TRIM33: variants seen among roughly 807,000 people sequenced by gnomAD.
The protein encoded by TRIM33 is E3 ubiquitin-protein ligase TRIM33.
In TRIM33, 20 loss-of-function variants were observed where a neutral mutation model predicts 125.4. That is an observed-to-expected ratio of 0.16 (90% CI 0.11 to 0.23). TRIM33 has a LOEUF of 0.23. Ranked by LOEUF, TRIM33 falls within the 10% of genes least tolerant of loss-of-function variation. The probability of loss-of-function intolerance (pLI) is 1.00; values close to 1 mark genes in which losing one functional copy is unlikely to be tolerated. For missense variants in TRIM33, 920 were observed against 1,411.4 expected (o/e 0.65, Z 5.58); for synonymous variants, 564 against 513.9 (o/e 1.10, Z -1.32).
intron 4 of TRIM33, among the ~76,000 whole-genome samples, chr1:114,435,786 G>T (rs994641611): frequency 6.7e-6 from 1 of 149,874 alleles, no homozygotes; most frequent in African/African-American, 2.5e-5. Flanking sequence ...GAATGCACTG[G>T]AACCATCACG....
At chr1:114,419,339 A>C (rs866362474) in intron 11 of TRIM33, among the ~76,000 whole-genome samples, 17 of 152,270 alleles carry the variant, frequency 1.1e-4, no homozygotes, top group Middle Eastern at 3.4e-3. Context: ...TCGCGTCATT[A>C]AACTCTTTAC....
At chr1:114,423,468 C>T (rs780569936) in intron 10 of TRIM33, among the ~76,000 whole-genome samples, 1 of 151,842 alleles carries the variant, frequency 6.6e-6, no homozygotes, top group South Asian at 2.1e-4. Flanking sequence ...TTACAATATG[C>T]TATAAAGTAC....
Position 114,424,752 on chromosome 1 carries a change from G to A in TRIM33, c.1699C>T (p.Pro567Ser). 6.7e-7 allele frequency: 1 copy of A among 1,495,636 alleles called. No homozygotes were observed. The highest frequency in any genetic ancestry group is 8.9e-7 in the Non-Finnish European group (1 of 1,119,588). 92.6% of individuals were successfully genotyped at this position (1,495,636 alleles called of 1,614,324 possible). A position where few individuals can be genotyped will look rare whatever the true frequency, so the allele number is the denominator to read the frequency against. Residue 567 changes from proline to serine, a missense_variant, in exon 10 of 20, where the codon CCT becomes TCT. Pro to Ser is a moderately conservative substitution (Grantham distance 74, BLOSUM62 -1). Around this residue, in one of 8 missense-constraint regions of TRIM33, gnomAD observed 407 missense variants for 589.7 expected, o/e 0.69. Coordinates refer to ENST00000358465, the MANE Select transcript of TRIM33 (RefSeq NM_015906.4). ...AAPQMLQQQPPRLISVQTMQR... is the reference protein window; with the variant it reads ...AAPQMLQQQPSRLISVQTMQR... ...ATTGTTTGCACACTGATCAATCGAG[G>A]AGGCTACAAAAAGTAGAAATTGCAA...
At chr1:114,435,088 C>CT (rs532571658) in intron 4 of TRIM33, among the ~76,000 whole-genome samples, 1 of 152,136 alleles carries the variant, frequency 6.6e-6, no homozygotes, top group African/African-American at 2.4e-5. Context: ...ATTTAATTCT[C>CT]TAAGTAATGG....
At chr1:114,485,921 A>G (rs2101509992) in intron 1 of TRIM33, among the ~76,000 whole-genome samples, 1 of 152,360 alleles carries the variant, frequency 6.6e-6, no homozygotes. Flanking sequence ...AGATGATCAG[A>G]TATCACATAT....
rs889815009 is a variant in TRIM33 at position 114,504,838 on chromosome 1, A to T, written c.526+5713T>A. Among the ~76,000 whole-genome samples, 3 of 152,240 alleles carry T rather than the reference A, an allele frequency of 2.0e-5. No homozygotes were observed. The East Asian group carries it at 5.8e-4, about 29-fold the overall frequency. ...AGGTAACTAGAAGATTTGGAACTCAAATGATTTATCATGCATGCTGTACAT... is the reference window on the plus strand; with the variant it reads ...AGGTAACTAGAAGATTTGGAACTCATATGATTTATCATGCATGCTGTACAT... On this transcript the variant is annotated intron_variant, in intron 1 of 19. Transcript: ENST00000358465.
Position 114,462,445 on chromosome 1 carries a change from C to A in TRIM33, c.923+659G>T, listed in dbSNP as rs540380338. ...GCCATAAAAACTGTTGTTTGAAAAACACTTTGGAAAATTCTGGACTATGGG... is the reference window on the plus strand; with the variant it reads ...GCCATAAAAACTGTTGTTTGAAAAAAACTTTGGAAAATTCTGGACTATGGG... On this transcript the variant is annotated intron_variant, in intron 4 of 19. Transcript: ENST00000358465. 1.4e-4 allele frequency among the ~76,000 whole-genome samples: 21 copies of A among 152,236 alleles called. 1 individual carries two copies. Among genetic ancestry groups the A allele is most frequent in the African/African-American group, 4.8e-4 (20 of 41,548 alleles).
Position 114,477,551 on chromosome 1 carries a change from C to T in TRIM33, c.527-13163G>A, listed in dbSNP as rs538066198. Among the ~76,000 whole-genome samples the T allele has an allele frequency of 2.0e-5, 3 of 152,228 alleles. No homozygotes were observed. In the East Asian group the frequency reaches 5.8e-4, roughly 29 times the overall value. On this transcript the variant is annotated intron_variant, in intron 1 of 19. Coordinates refer to ENST00000358465, the MANE Select transcript of TRIM33 (RefSeq NM_015906.4). ...GCAAAACAGGGATAACAGTACCTACCTCAAAGGTTGTTGGGAAGACTACAT... is the reference window on the plus strand; with the variant it reads ...GCAAAACAGGGATAACAGTACCTACTTCAAAGGTTGTTGGGAAGACTACAT...
intron 4 of TRIM33, among the ~76,000 whole-genome samples, chr1:114,455,361 A>G (rs998251100): frequency 6.6e-6 from 1 of 152,200 alleles, no homozygotes; most frequent in African/African-American, 2.4e-5. Context: ...TATGAGTGAC[A>G]TGACTATGAC....
At chr1:114,429,555 T>C (rs1647809788) in intron 6 of TRIM33, among the ~76,000 whole-genome samples, 1 of 152,022 alleles carries the variant, frequency 6.6e-6, no homozygotes, top group Non-Finnish European at 1.5e-5. Flanking sequence ...AGAGATAACA[T>C]TCTACTGACA....
At chr1:114,482,502 T>A (rs567119090) in intron 1 of TRIM33, among the ~76,000 whole-genome samples, 9 of 152,100 alleles carry the variant, frequency 5.9e-5, no homozygotes, top group African/African-American at 1.9e-4. Flanking sequence ...AGAAGACAGA[T>A]TGGTATTGAT....
chr1:114,461,215 A>T (rs1469068531), intron 4 of TRIM33, among the ~76,000 whole-genome samples: 3 of 133,154 alleles, frequency 2.3e-5, no homozygotes, highest in East Asian at 2.0e-4. Flanking sequence ...TGTCTTTAAA[A>T]ATATATATAT....
At position 114,392,987 on chromosome 1, in the gene TRIM33, A is replaced by C. The variant is rs1302427697; in HGVS notation, c.*4661T>G. Reference sequence around the variant, plus strand: ...ACACACCAGCAAAAACACAGGAACGAAACAATTAGAAACTGCAACCTTGTT... The same window carrying C: ...ACACACCAGCAAAAACACAGGAACGCAACAATTAGAAACTGCAACCTTGTT... On this transcript the variant is annotated 3_prime_UTR_variant, in exon 20 of 20. Transcript: ENST00000358465. 5 of 200,976 alleles carry C rather than the reference A, an allele frequency of 2.5e-5. No homozygotes were observed. The highest frequency in any genetic ancestry group is 4.1e-5 in the Non-Finnish European group (4 of 97,336). 12.4% of individuals were successfully genotyped at this position (200,976 alleles called of 1,614,324 possible). A position where few individuals can be genotyped will look rare whatever the true frequency, so the allele number is the denominator to read the frequency against.
chr1:114,397,620 T>TTAAAAAAATTATTTAA lies in TRIM33; in HGVS notation c.*27_*28insTTAAATAATTTTTTTA. The TTAAAAAAATTATTTAA allele has an allele frequency of 8.4e-7, 1 of 1,197,244 alleles. No individual in the cohort carries two copies. Among genetic ancestry groups the TTAAAAAAATTATTTAA allele is most frequent in the Non-Finnish European group, 1.2e-6 (1 of 840,724 alleles). The allele number at this position is 1,197,244 out of a possible 1,614,324, so 74.2% of individuals were successfully genotyped here. Reference sequence around the variant, plus strand: ...TTTTTTTTTTTCGTTTTTTTTTTTTTAAACAATTGATTTAAATCCATGTCA... The same window carrying TTAAAAAAATTATTTAA: ...TTTTTTTTTTTCGTTTTTTTTTTTTTTAAAAAAATTATTTAAAAACAATTGATTTAAATCCATGTCA... On this transcript the variant is annotated 3_prime_UTR_variant, in exon 20 of 20. Transcript: ENST00000358465.
intron 1 of TRIM33, among the ~76,000 whole-genome samples, chr1:114,492,772 A>C (rs1652147145): frequency 6.6e-6 from 1 of 152,226 alleles, no homozygotes; most frequent in African/African-American, 2.4e-5. Flanking sequence ...AGGACCAAAT[A>C]ATATCCCATT....
Position 114,425,687 on chromosome 1 carries a change from T to C in TRIM33, c.1457A>G (p.Tyr486Cys), listed in dbSNP as rs1243781591. ...TTGCCCAACTACAACATTAGGAGTA[T>C]AACCAGGAGCTGGTTTACTCTCTAT... ...LVIESKPAPG[Y>C]TPNVVVGQVP... Residue 486 changes from tyrosine to cysteine, a missense_variant, in exon 9 of 20, where the codon TAT becomes TGT. By Grantham distance (194) the Tyr-to-Cys change is radical. This residue lies in a region of TRIM33 where 407 missense variants were observed against 589.7 expected (regional missense o/e 0.69). Coordinates refer to ENST00000358465, the MANE Select transcript of TRIM33 (RefSeq NM_015906.4). 1.2e-6 allele frequency: 2 copies of C among 1,613,858 alleles called. No individual in the cohort carries two copies. The highest frequency in any genetic ancestry group is 1.7e-5 in the Admixed American group (1 of 59,988).
chr1:114,499,096 G>C (rs1652557043), intron 1 of TRIM33, among the ~76,000 whole-genome samples: 1 of 152,176 alleles, frequency 6.6e-6, no homozygotes. Flanking sequence ...TAAGACACTG[G>C]AAGAGATGCC....
chr1:114,470,364 T>C (rs1331243362), intron 1 of TRIM33, among the ~76,000 whole-genome samples: 1 of 152,164 alleles, frequency 6.6e-6, no homozygotes, highest in African/African-American at 2.4e-5. Context: ...AAATTATTAT[T>C]TATCTATTAT....
intron 4 of TRIM33, among the ~76,000 whole-genome samples, chr1:114,439,866 G>C (rs140618057): frequency 2.6e-5 from 4 of 152,170 alleles, no homozygotes; most frequent in Admixed American, 2.0e-4. Context: ...GAAACAATGA[G>C]AGTGGAGCAA....
Sources: gnomAD v4.1 joint callset for allele counts (sites outside exome capture counted in the v4.1 genomes callset) on GRCh38, gnomAD v4.1.1 for gene constraint, gnomAD v4.1.1 regional missense constraint, MANE v1.5 for transcripts, NCBI Gene and HGNC (gene_info 2026-07-23, HGNC 2026-07-21) for gene names.